The following ANAPC1 variants were observed in gnomAD, a reference collection of about 807,000 sequenced individuals.
ANAPC1 encodes anaphase promoting complex subunit 1.
Under a neutral mutation model 208.0 loss-of-function variants are expected in ANAPC1, and 36 were observed. That is an observed-to-expected ratio of 0.17 (90% CI 0.13 to 0.23). The LOEUF (loss-of-function observed/expected upper bound fraction) is 0.23. ANAPC1 is among the 10% of genes least tolerant of loss of function. The pLI is 1.00. For missense variants in ANAPC1, 942 were observed against 2,011.6 expected (o/e 0.47, Z 10.17); for synonymous variants, 378 against 695.2 (o/e 0.54, Z 7.18).
intron 46 of ANAPC1, among the ~76,000 whole-genome samples, chr2:111,776,211 A>G (rs1676998940): frequency 6.6e-6 from 1 of 151,784 alleles, no homozygotes; most frequent in Admixed American, 6.6e-5. Context: ...AAAAGAATGA[A>G]AAGATCAAGG....
chr2:111,857,872 G>A (rs1205634534), intron 11 of ANAPC1, among the ~76,000 whole-genome samples: 2 of 152,070 alleles, frequency 1.3e-5, no homozygotes, highest in African/African-American at 4.8e-5. Flanking sequence ...ATAGCAATAG[G>A]TATGAAATAA....
intron 10 of ANAPC1, among the ~76,000 whole-genome samples, chr2:111,860,773 C>T (rs1483504728): frequency 1.3e-5 from 2 of 151,532 alleles, no homozygotes; most frequent in Non-Finnish European, 2.9e-5. Context: ...AGTTCCTAGC[C>T]CTCTTCTCAT....
intron 39 of ANAPC1, among the ~76,000 whole-genome samples, chr2:111,787,712 T>G (rs1351585749): frequency 6.6e-6 from 1 of 151,906 alleles, no homozygotes; most frequent in African/African-American, 2.4e-5. Flanking sequence ...TCTACATGGT[T>G]TGAAGTTCTA....
chr2:111,873,170 G>C, intron 5 of ANAPC1, 138 bp downstream of exon 5: 1 of 900,932 alleles, frequency 1.1e-6, no homozygotes, highest in South Asian at 2.6e-5. Context: ...CACTAAAGCT[G>C]CCAAAATTTA....
intron 38 of ANAPC1, among the ~76,000 whole-genome samples, chr2:111,790,664 C>T (rs925502506): frequency 2.0e-5 from 3 of 151,620 alleles, no homozygotes; most frequent in African/African-American, 7.3e-5. Context: ...GAAAATATTT[C>T]ATAAACAACA....
At chr2:111,849,132 C>A (rs1039897604) in intron 14 of ANAPC1, among the ~76,000 whole-genome samples, 37 of 152,236 alleles carry the variant, frequency 2.4e-4, no homozygotes, top group Admixed American at 2.4e-3. Flanking sequence ...ATTCCAGATT[C>A]TACTCTAAAA....
At chr2:111,833,480 CA>C (rs72531619) in intron 19 of ANAPC1, among the ~76,000 whole-genome samples, 169 bp from the exon 20 acceptor site, 17,856 of 151,732 alleles carry the variant, frequency 0.12, 1,362 homozygotes, top group Non-Finnish European at 0.16. Flanking sequence ...CCCAGTGTGA[CA>C]AATGGAACCC....
Position 111,799,064 on chromosome 2 carries a change from G to A in ANAPC1, c.4296+1733C>T, listed in dbSNP as rs545519385. ...AAAAAAAAGAAATCTGACAAAGAAC[G>A]GGTTTCTAGAATGCATTAAAAAAAC... On this transcript the variant is annotated intron_variant, in intron 34 of 47. Transcript: ENST00000341068. Among the ~76,000 whole-genome samples, 12 of 151,196 alleles carry A rather than the reference G, an allele frequency of 7.9e-5. 1 individual carries two copies. Among genetic ancestry groups the A allele is most frequent in the African/African-American group, 2.7e-4 (11 of 41,310 alleles).
At chr2:111,859,769 A>G (rs1372849612) in intron 10 of ANAPC1, among the ~76,000 whole-genome samples, 4 of 152,280 alleles carry the variant, frequency 2.6e-5, no homozygotes, top group Admixed American at 2.6e-4. Flanking sequence ...TGCCTTACAT[A>G]TCTGATCAAC....
intron 1 of ANAPC1, among the ~76,000 whole-genome samples, chr2:111,883,571 G>A (rs930006862): frequency 6.6e-6 from 1 of 151,802 alleles, no homozygotes; most frequent in East Asian, 1.9e-4. Flanking sequence ...CACACTAACG[G>A]GAGCTTAAGT....
intron 19 of ANAPC1, among the ~76,000 whole-genome samples, chr2:111,833,549 G>C (rs541988774): frequency 6.6e-6 from 1 of 152,034 alleles, no homozygotes; most frequent in Non-Finnish European, 1.5e-5. Context: ...CCGTGATCTA[G>C]TTCCTCCTCT....
chr2:111,845,577 A>C (rs537395053), intron 16 of ANAPC1, among the ~76,000 whole-genome samples: 135 of 152,318 alleles, frequency 8.9e-4, no homozygotes, highest in African/African-American at 3.2e-3. Flanking sequence ...ATAAAGGGGT[A>C]AGATTTTTTG....
At chr2:111,767,090 A>G, downstream of ANAPC1, 3 of 410,290 alleles carry the variant, frequency 7.3e-6, no homozygotes, top group South Asian at 3.6e-5. Flanking sequence ...AATTATGTCT[A>G]TGGAAGCGAT....
intron 24 of ANAPC1, among the ~76,000 whole-genome samples, chr2:111,824,142 T>C (rs1679698473): frequency 1.3e-5 from 2 of 150,234 alleles, no homozygotes; most frequent in African/African-American, 2.4e-5. Context: ...TTAAATATTA[T>C]GCAATATACA....
At chr2:111,840,953 G>A (rs1231250216) in intron 17 of ANAPC1, among the ~76,000 whole-genome samples, 1 of 152,172 alleles carries the variant, frequency 6.6e-6, no homozygotes, top group Non-Finnish European at 1.5e-5. Flanking sequence ...TGAGGCACAA[G>A]AATCGCTTCA....
In ANAPC1 at chr2:111,843,820, C is replaced by CCTT. The variant is rs770441848; in HGVS notation, c.1853-222_1853-221insAAG. On this transcript the variant is annotated intron_variant, in intron 16 of 47. Transcript: ENST00000341068. ...AGGCTTGAAAGGGGTCTGAAGACAG[C>CCTT]TTTTTTTTTTTTTTTTTTTTTTGAG... 1.0e-4 allele frequency among the ~76,000 whole-genome samples: 9 copies of CCTT among 86,830 alleles called. 1 individual carries two copies. Among genetic ancestry groups the CCTT allele is most frequent in the African/African-American group, 4.2e-4 (9 of 21,568 alleles). 57.0% of individuals were successfully genotyped at this position (86,830 alleles called of 152,430 possible). A position where few individuals can be genotyped will look rare whatever the true frequency, so the allele number is the denominator to read the frequency against.
chr2:111,795,869 AGATT>A (rs1269551489), intron 34 of ANAPC1, among the ~76,000 whole-genome samples: 1 of 150,830 alleles, frequency 6.6e-6, no homozygotes, highest in Non-Finnish European at 1.5e-5. Context: ...AATGTATTTA[AGATT>A]TATTCTTTTA....
chr2:111,799,046 A>AG (rs1395967613), intron 34 of ANAPC1, among the ~76,000 whole-genome samples: 45 of 152,006 alleles, frequency 3.0e-4, no homozygotes, highest in African/African-American at 8.2e-4. Context: ...AAAAAAAAAA[A>AG]GAAATCTGAC....
rs778360759 is a variant in ANAPC1, at chr2:111,825,003, A to G, written c.2775T>C (p.Ser925=). The G allele has an allele frequency of 1.9e-6, 3 of 1,613,960 alleles. No individual in the cohort carries two copies. The highest frequency in any genetic ancestry group is 1.1e-5 in the South Asian group (1 of 91,076). Residue 925 remains serine, a synonymous_variant, in exon 24 of 48, where the codon AGT becomes AGC. Coordinates refer to ENST00000341068, the MANE Select transcript of ANAPC1 (RefSeq NM_022662.4). ...FSFRHSTSVS[S]LAERLVVWMT... is the part of the protein sequence containing the mutation. ...TCCAGACAACCAATCTTTCAGCTAG[A>G]CTAGAAACAGATGTAGAATGCCTGA... is the stretch of plus-strand genomic sequence containing the variant.
Sources: allele counts gnomAD v4.1 joint callset (sites outside exome capture counted in the v4.1 genomes callset), GRCh38; gene constraint gnomAD v4.1.1; transcripts MANE v1.5; gene names NCBI Gene and HGNC (gene_info 2026-07-23, HGNC 2026-07-21).